ZNF793: variants seen among roughly 807,000 people sequenced by gnomAD.
ZNF793 encodes the protein zinc finger protein 793.
A neutral mutation model predicts 12.4 loss-of-function variants in ZNF793; 5 were observed. The ratio of observed to expected loss-of-function variants is 0.40; its 90% confidence interval spans 0.21 to 0.84. The LOEUF is 0.84. Among genes scored for constraint, ZNF793 ranks in the 40% least tolerant of loss-of-function variants. The pLI is 0.35. For missense variants in ZNF793, 456 were observed against 495.0 expected (o/e 0.92, Z 0.75); for synonymous variants, 162 against 172.4 (o/e 0.94, Z 0.47).
At chr19:37,509,359 A>C (rs966968288) in intron 2 of ZNF793, among the ~76,000 whole-genome samples, 2 of 152,236 alleles carry the variant, frequency 1.3e-5, no homozygotes, top group African/African-American at 4.8e-5. Flanking sequence ...GAGTTAGAAA[A>C]TAAGATTTTG....
In ZNF793 at chr19:37,541,161, G is replaced by T. The variant is rs1322756327; in HGVS notation, c.*3282G>T. 1 of 146,066 alleles carries T rather than the reference G, an allele frequency of 6.8e-6. No homozygotes were observed. Among genetic ancestry groups the T allele is most frequent in the Non-Finnish European group, 1.5e-5 (1 of 66,950 alleles). 9.0% of individuals were successfully genotyped at this position (146,066 alleles called of 1,614,324 possible). A position where few individuals can be genotyped will look rare whatever the true frequency, so the allele number is the denominator to read the frequency against. On this transcript the variant is annotated 3_prime_UTR_variant, in exon 8 of 8. Transcript: ENST00000627814. ...AAAGGTGAAATCTGAAACCACAGGG[G>T]AAAAGAGTAGTTTACTTAAAAAGAA...
intron 2 of ZNF793, among the ~76,000 whole-genome samples, chr19:37,516,892 C>T (rs2042336963): frequency 6.6e-6 from 1 of 151,984 alleles, no homozygotes; most frequent in Non-Finnish European, 1.5e-5. Context: ...GCGATCTGCC[C>T]ACCTCGGCCT....
chr19:37,516,742 G>A (rs1028969101), intron 2 of ZNF793, among the ~76,000 whole-genome samples: 2 of 152,004 alleles, frequency 1.3e-5, no homozygotes, highest in Non-Finnish European at 2.9e-5. Context: ...CACCTCCCAG[G>A]TTCAAGCAAT....
intron 5 of ZNF793, among the ~76,000 whole-genome samples, chr19:37,526,232 C>T (rs911140915): frequency 6.6e-6 from 1 of 152,206 alleles, no homozygotes; most frequent in African/African-American, 2.4e-5. Context: ...CCCATTTCAG[C>T]CTCCCGAGTA....
At chr19:37,513,073 CCTT>C (rs2042305857) in intron 2 of ZNF793, among the ~76,000 whole-genome samples, 1 of 152,060 alleles carries the variant, frequency 6.6e-6, no homozygotes, top group Non-Finnish European at 1.5e-5. Context: ...GATCATGTGT[CCTT>C]CTCAATGTAC....
chr19:37,532,547 C>A, intron 6 of ZNF793, 65 bp downstream of exon 6: 1 of 1,492,844 alleles, frequency 6.7e-7, no homozygotes, highest in East Asian at 2.4e-5. Context: ...TTCTCAGTTG[C>A]TAAAAGCAAC....
chr19:37,507,209 G>C (rs1400470528), intron 1 of ZNF793: 1 of 152,830 alleles, frequency 6.5e-6, no homozygotes, highest in Non-Finnish European at 1.5e-5. Context: ...GAGGTTTGCG[G>C]GAGTCAGTGG....
rs12462365 is a variant in ZNF793 at position 37,536,853 on chromosome 19, G to C, written c.239-44G>C. Reference sequence around the variant, plus strand: ...TTTAAATTTTGAGAGCATTTCTTAAGTAGTATGAAGTTTCATAAGGATGAT... The same window carrying C: ...TTTAAATTTTGAGAGCATTTCTTAACTAGTATGAAGTTTCATAAGGATGAT... On this transcript the variant is annotated intron_variant, in intron 7 of 7. Coordinates refer to ENST00000627814, the MANE Select transcript of ZNF793 (RefSeq NM_001013659.3). 4,108 of 1,540,494 alleles carry C rather than the reference G, an allele frequency of 2.7e-3. 230 individuals carry two copies. In the Admixed American group the frequency reaches 0.081, roughly 31 times the overall value.
intron 5 of ZNF793, among the ~76,000 whole-genome samples, chr19:37,525,395 C>T (rs565724444): frequency 3.4e-3 from 515 of 151,486 alleles, no homozygotes; most frequent in Admixed American, 5.7e-3. Context: ...GCCTCGGCCT[C>T]CCAAAGTGCT....
intron 2 of ZNF793, 86 bp downstream of exon 2, chr19:37,508,489 C>A (rs2042267813): frequency 6.6e-6 from 1 of 152,134 alleles, no homozygotes; most frequent in African/African-American, 2.4e-5. Flanking sequence ...GTGGGTGGAT[C>A]ATTTGAAGTC....
At chr19:37,526,317 T>C (rs2042415922) in intron 5 of ZNF793, among the ~76,000 whole-genome samples, 1 of 152,050 alleles carries the variant, frequency 6.6e-6, no homozygotes, top group African/African-American at 2.4e-5. Flanking sequence ...CTTACTATAT[T>C]ACCCAGGCTG....
chr19:37,513,480 G>A (rs913840371), intron 2 of ZNF793, among the ~76,000 whole-genome samples: 36 of 152,140 alleles, frequency 2.4e-4, no homozygotes, highest in African/African-American at 7.7e-4. Flanking sequence ...TAGACCATAC[G>A]CCAAAACTCA....
chr19:37,525,551 C>CT (rs1017368290), intron 5 of ZNF793, among the ~76,000 whole-genome samples: 6 of 151,576 alleles, frequency 4.0e-5, no homozygotes, highest in African/African-American at 1.5e-4. Flanking sequence ...ATTCTCCTGC[C>CT]TTAGCCTCCT....
chr19:37,528,554 C>T (rs1173121455), intron 5 of ZNF793, among the ~76,000 whole-genome samples: 2 of 152,080 alleles, frequency 1.3e-5, no homozygotes, highest in Non-Finnish European at 2.9e-5. Flanking sequence ...GGGCAAAGGC[C>T]ACACCTCTCT....
intron 2 of ZNF793, among the ~76,000 whole-genome samples, chr19:37,517,760 GT>G (rs577325672): frequency 4.0e-4 from 60 of 149,318 alleles, no homozygotes; most frequent in African/African-American, 1.2e-3. Context: ...TACAAGCTAG[GT>G]TTTTTTTTTC....
intron 2 of ZNF793, among the ~76,000 whole-genome samples, chr19:37,518,786 G>T (rs1364760455): frequency 3.4e-5 from 1 of 29,422 alleles, no homozygotes; most frequent in Non-Finnish European, 6.3e-5. Flanking sequence ...CTCAAATAAA[G>T]AAATAGATAA....
At chr19:37,520,442 A>T (rs1168067692) in intron 3 of ZNF793, 130 bp downstream of exon 3, 1 of 152,320 alleles carries the variant, frequency 6.6e-6, no homozygotes, top group African/African-American at 2.4e-5. Context: ...ACCTCTTGTC[A>T]GAGCAAAGAC....
At position 37,533,379 on chromosome 19, in the gene ZNF793, G is replaced by C. The variant is rs753977866; in HGVS notation, c.214G>C (p.Ala72Pro). The C allele has an allele frequency of 1.9e-6, 3 of 1,613,962 alleles. No individual in the cohort carries two copies. The South Asian group carries it at 3.3e-5, about 18-fold the overall frequency. Residue 72 changes from alanine to proline, a missense_variant, in exon 7 of 8, where the codon GCA becomes CCA. By Grantham distance (27) the Ala-to-Pro change is conservative. Transcript: ENST00000627814. ...QEEAPWIGEA[A>P]CPGCHCWEDI... is the part of the protein sequence containing the mutation. ...AGAAGCACCATGGATTGGTGAGGCA[G>C]CATGCCCGGGCTGCCACTGTTGGGG... is the stretch of plus-strand genomic sequence containing the variant.
Position 37,540,793 on chromosome 19 carries a change from T to C in ZNF793, c.*2914T>C, listed in dbSNP as rs1195573848. ...TTTCTAAGAAGACAGGGTACCAAAA[T>C]CAAGAGCTGTTCTCCATACTGACAA... is the stretch of plus-strand genomic sequence containing the variant. On this transcript the variant is annotated 3_prime_UTR_variant, in exon 8 of 8. Transcript: ENST00000627814. The C allele has an allele frequency of 6.6e-6, 1 of 152,006 alleles. No individual in the cohort carries two copies. The highest frequency in any genetic ancestry group is 6.6e-5 in the Admixed American group (1 of 15,252). 9.4% of individuals were successfully genotyped at this position (152,006 alleles called of 1,614,324 possible). A position where few individuals can be genotyped will look rare whatever the true frequency, so the allele number is the denominator to read the frequency against.
Sources: allele counts gnomAD v4.1 joint callset (sites outside exome capture counted in the v4.1 genomes callset), GRCh38; gene constraint gnomAD v4.1.1; transcripts MANE v1.5; gene names NCBI Gene and HGNC (gene_info 2026-07-23, HGNC 2026-07-21).